Variants in NPR3 observed in about 807,000 individuals in gnomAD.
NPR3 encodes the protein atrial natriuretic peptide receptor 3.
NPR3 carries 34 observed loss-of-function variants against 54.5 expected under a neutral mutation model. That is an observed-to-expected ratio of 0.62 (90% CI 0.47 to 0.83). The LOEUF is 0.83. Among genes scored for constraint, NPR3 ranks in the 40% least tolerant of loss-of-function variants. NPR3 has a pLI of 0.00. For missense variants in NPR3, 674 were observed against 720.8 expected, an observed-to-expected ratio of 0.94 and a Z score of 0.74; for synonymous variants, 289 against 297.1, an observed-to-expected ratio of 0.97 and a Z score of 0.28.
intron 4 of NPR3, among the ~76,000 whole-genome samples, chr5:32,776,135 T>C (rs1269960324): frequency 3.3e-5 from 5 of 152,260 alleles, no homozygotes; most frequent in African/African-American, 9.6e-5. Context: ...GTATATCTTA[T>C]CTTAAAATTT....
At chr5:32,721,723 T>C (rs890074840) in intron 1 of NPR3, among the ~76,000 whole-genome samples, 1 of 152,036 alleles carries the variant, frequency 6.6e-6, no homozygotes, top group African/African-American at 2.4e-5. Context: ...TTGGTGGTGG[T>C]GGGGTATGTC....
intron 3 of NPR3, among the ~76,000 whole-genome samples, chr5:32,768,999 G>A (rs1374954350): frequency 3.9e-5 from 6 of 152,244 alleles, no homozygotes; most frequent in Admixed American, 2.6e-4. Context: ...GGATAAAGGC[G>A]CAGATTTTCA....
At chr5:32,721,911 C>A (rs184320255) in intron 1 of NPR3, among the ~76,000 whole-genome samples, 624 of 152,266 alleles carry the variant, frequency 4.1e-3, no homozygotes, top group Non-Finnish European at 7.5e-3. Context: ...GGTGAGAGAG[C>A]AAATGTGTGC....
chr5:32,746,742 A>G (rs1740320947), intron 3 of NPR3, among the ~76,000 whole-genome samples: 2 of 152,072 alleles, frequency 1.3e-5, no homozygotes, highest in African/African-American at 2.4e-5. Context: ...TGGGAGACAG[A>G]TTTTCCTCTC....
chr5:32,723,929 C>A (rs1738999503), intron 1 of NPR3, among the ~76,000 whole-genome samples: 1 of 151,678 alleles, frequency 6.6e-6, no homozygotes, highest in Non-Finnish European at 1.5e-5. Flanking sequence ...TACCCATCTA[C>A]CTATCATCTA....
chr5:32,784,913 C>T (rs1033289576), intron 7 of NPR3, 30 bp downstream of exon 7: 3 of 1,438,394 alleles, frequency 2.1e-6, no homozygotes, highest in Non-Finnish European at 2.0e-6. Flanking sequence ...GTACAATTCA[C>T]TCTCTTCTGC....
chr5:32,713,134 C>T (rs1016443800), intron 1 of NPR3: 4 of 980,684 alleles, frequency 4.1e-6, no homozygotes, highest in Non-Finnish European at 4.8e-6. Context: ...CCCTTATAAA[C>T]GAGCTTCTGT....
chr5:32,782,318 C>T (rs572393903), intron 5 of NPR3, among the ~76,000 whole-genome samples: 2 of 152,182 alleles, frequency 1.3e-5, no homozygotes, highest in South Asian at 4.1e-4. Flanking sequence ...CTGTCATATG[C>T]TTAAATCGGG....
intron 3 of NPR3, among the ~76,000 whole-genome samples, chr5:32,739,250 C>A (rs575860854): frequency 9.9e-5 from 15 of 151,750 alleles, no homozygotes; most frequent in African/African-American, 3.6e-4. Flanking sequence ...ATCATCTCTA[C>A]CCTTCACTTA....
rs773590191 is a variant in NPR3, at chr5:32,789,458, CT to C, written c.*3115del. The stretch of plus-strand genomic sequence containing the variant: ...CTGAAGAACCATCAACTTGTCTTTT[CT>C]TGAACCACAGGAATGGTTCTACAGA... On this transcript the variant is annotated 3_prime_UTR_variant, in exon 8 of 8. Transcript: ENST00000265074. 2 of 532,864 alleles carry C rather than the reference CT, an allele frequency of 3.8e-6. No individual in the cohort carries two copies. Among genetic ancestry groups the C allele is most frequent in the Non-Finnish European group, 7.7e-6 (2 of 259,620 alleles). 33.0% of individuals were successfully genotyped at this position (532,864 alleles called of 1,614,324 possible).
chr5:32,760,909 A>G (rs1257406478), intron 3 of NPR3, among the ~76,000 whole-genome samples: 1 of 152,058 alleles, frequency 6.6e-6, no homozygotes, highest in Non-Finnish European at 1.5e-5. Context: ...GTTCTGCCAC[A>G]ATGCATTGAA....
intron 1 of NPR3, among the ~76,000 whole-genome samples, chr5:32,723,832 G>A (rs146443112): frequency 6.6e-5 from 10 of 151,560 alleles, no homozygotes; most frequent in African/African-American, 9.7e-5. Flanking sequence ...GTATCTCCCT[G>A]TCCCTCTCTC....
intron 3 of NPR3, among the ~76,000 whole-genome samples, chr5:32,739,375 G>C (rs533314167): frequency 2.0e-5 from 3 of 152,202 alleles, no homozygotes; most frequent in Non-Finnish European, 4.4e-5. Context: ...GAGGGTTTTG[G>C]GGGAGAAGGA....
At chr5:32,737,386 T>C (rs1037560076) in intron 2 of NPR3, among the ~76,000 whole-genome samples, 1 of 152,270 alleles carries the variant, frequency 6.6e-6, no homozygotes, top group African/African-American at 2.4e-5. Context: ...TAGATGTTTG[T>C]CTGATTCACA....
In NPR3 at chr5:32,774,747, C is replaced by T. The variant is rs762400898; in HGVS notation, c.1099C>T (p.Leu367Phe). The T allele has an allele frequency of 5.7e-5, 92 of 1,609,230 alleles. No homozygotes were observed. The highest frequency in any genetic ancestry group is 7.7e-5 in the Non-Finnish European group (90 of 1,175,670). The change falls in exon 4 of 8, where the codon CTC (leucine) becomes TTC (phenylalanine). Residue 367 changes from leucine (L) to phenylalanine (F), a missense_variant. Coordinates refer to ENST00000265074, the MANE Select transcript of NPR3 (RefSeq NM_001204375.2). Reference protein sequence around the residue: ...FVEGFHDAILLYVLALHEVLR... With the variant: ...FVEGFHDAILFYVLALHEVLR... ...TGAAGGATTCCACGATGCCATCCTC[C>T]TCTACGTCTTGGCTCTACATGAAGT...
intron 3 of NPR3, among the ~76,000 whole-genome samples, chr5:32,756,532 A>C (rs1041515911): frequency 1.3e-5 from 2 of 151,890 alleles, no homozygotes; most frequent in African/African-American, 4.8e-5. Flanking sequence ...GATTGCAAAA[A>C]TTTTCTCCCA....
chr5:32,765,513 A>G (rs893295282), intron 3 of NPR3, among the ~76,000 whole-genome samples: 1 of 152,188 alleles, frequency 6.6e-6, no homozygotes, highest in Non-Finnish European at 1.5e-5. Context: ...CATTAACTCC[A>G]GTGAGTGCAG....
At chr5:32,724,629 A>C in intron 1 of NPR3, 69 bp from the exon 2 acceptor site, 1 of 1,583,814 alleles carries the variant, frequency 6.3e-7, no homozygotes, top group South Asian at 1.1e-5. Context: ...GATGTCCCTT[A>C]CTGGTGTCAG....
chr5:32,718,618 T>A (rs1738680338), intron 1 of NPR3, among the ~76,000 whole-genome samples: 1 of 152,210 alleles, frequency 6.6e-6, no homozygotes, highest in South Asian at 2.1e-4. Context: ...AAATTGTGAA[T>A]GGGAGTTCAC....
Sources: gnomAD v4.1 joint callset for allele counts (sites outside exome capture counted in the v4.1 genomes callset) on GRCh38, gnomAD v4.1.1 for gene constraint, MANE v1.5 for transcripts, NCBI Gene and HGNC (gene_info 2026-07-23, HGNC 2026-07-21) for gene names.